The following HERC1 variants were observed in gnomAD, a reference collection of about 807,000 sequenced individuals.
The protein encoded by HERC1 is probable E3 ubiquitin-protein ligase HERC1.
In HERC1, 160 loss-of-function variants were observed where a neutral mutation model predicts 554.3. The ratio of observed to expected loss-of-function variants is 0.29; its 90% CI spans 0.25 to 0.33. The LOEUF (loss-of-function observed/expected upper bound fraction) is 0.33, where lower values mean the gene tolerates loss of function less well. Ranked by LOEUF, HERC1 falls within the 10% of genes least tolerant of loss-of-function variation. The probability of loss-of-function intolerance (pLI) is 1.00; values close to 1 mark genes in which losing one functional copy is unlikely to be tolerated. For synonymous variants in HERC1, 2,175 were observed against 2,131.7 expected (o/e 1.02, Z -0.56); for missense variants, 4,919 against 5,918.5 (o/e 0.83, Z 5.54).
chr15:63,672,512 G>T lies in HERC1; in HGVS notation c.8029C>A (p.Pro2677Thr). ...CTTCTCTACCTGAGAAGACTAAGAG[G>T]CATCACTCCCGGGGACTCGGATGCA... ...VPASESPGVM[P>T]LSLLRQMFSS... Residue 2677 changes from proline (P) to threonine (T), a missense_variant, in exon 39 of 78, where the codon CCT (proline) becomes ACT (threonine). By Grantham distance (38) the Pro-to-Thr change is conservative (BLOSUM62 -1). Coordinates refer to ENST00000443617, the MANE Select transcript of HERC1 (RefSeq NM_003922.4). 1 of 1,596,334 alleles carries T rather than the reference G, an allele frequency of 6.3e-7. No homozygotes were observed. The highest frequency in any genetic ancestry group is 8.5e-7 in the Non-Finnish European group (1 of 1,171,062).
chr15:63,633,298 C>T (rs914192276), intron 67 of HERC1, among the ~76,000 whole-genome samples: 1 of 152,208 alleles, frequency 6.6e-6, no homozygotes, highest in African/African-American at 2.4e-5. Flanking sequence ...CTTTGTAAAT[C>T]ACACTGCTTG....
intron 48 of HERC1, among the ~76,000 whole-genome samples, chr15:63,657,544 T>C (rs1454368972): frequency 6.6e-6 from 1 of 152,186 alleles, no homozygotes; most frequent in Non-Finnish European, 1.5e-5. Flanking sequence ...GTTAGATGCA[T>C]TACTAATATC....
intron 1 of HERC1, among the ~76,000 whole-genome samples, chr15:63,821,774 GT>G (rs1027052313): frequency 3.4e-5 from 5 of 149,000 alleles, no homozygotes; most frequent in African/African-American, 1.2e-4. Context: ...TTTAGAGACA[GT>G]TTTACTCCAC....
Position 63,731,350 on chromosome 15 carries a change from A to T in HERC1, c.2868+1574T>A, listed in dbSNP as rs562536257. Reference sequence around the variant, plus strand: ...AAAATCTTAGAACAAATTTGGTTTAAATCACATCAGAAAGAGACAATAATT... The same window carrying T: ...AAAATCTTAGAACAAATTTGGTTTATATCACATCAGAAAGAGACAATAATT... On this transcript the variant is annotated intron_variant, in intron 14 of 77. Coordinates refer to ENST00000443617, the MANE Select transcript of HERC1 (RefSeq NM_003922.4). Among the ~76,000 whole-genome samples, 3 of 152,332 alleles carry T rather than the reference A, an allele frequency of 2.0e-5. 1 individual carries two copies. The East Asian group carries it at 5.8e-4, about 29-fold the overall frequency.
chr15:63,683,567 T>C lies in HERC1; in HGVS notation c.6226-2791A>G, dbSNP rs1028081972. The stretch of plus-strand genomic sequence containing the variant: ...GAGTGGGTCAATCTGGACTCCAAGA[T>C]TGACAAGCAAACAGAGCTTAGAAAA... On this transcript the variant is annotated intron_variant, in intron 34 of 77. Transcript: ENST00000443617. 9.8e-5 allele frequency among the ~76,000 whole-genome samples: 15 copies of C among 152,336 alleles called. No homozygotes were observed. In the East Asian group the frequency reaches 1.7e-3, roughly 18 times the overall value.
intron 1 of HERC1, among the ~76,000 whole-genome samples, chr15:63,778,732 G>T (rs529495690): frequency 6.6e-6 from 1 of 152,232 alleles, no homozygotes; most frequent in African/African-American, 2.4e-5. Context: ...AAACGAACAT[G>T]AGAAAACTCA....
chr15:63,670,241 C>G (rs932037808), intron 39 of HERC1, among the ~76,000 whole-genome samples: 1 of 152,120 alleles, frequency 6.6e-6, no homozygotes, highest in African/African-American at 2.4e-5. Context: ...GCGGCACAGT[C>G]GGGGAAAGGT....
At chr15:63,780,875 G>C (rs1203845306) in intron 1 of HERC1, among the ~76,000 whole-genome samples, 1 of 152,168 alleles carries the variant, frequency 6.6e-6, no homozygotes, top group Non-Finnish European at 1.5e-5. Flanking sequence ...AAACATATAT[G>C]AAAGTAGTTA....
intron 33 of HERC1, among the ~76,000 whole-genome samples, chr15:63,688,114 T>C (rs750879036): frequency 2.4e-4 from 36 of 152,194 alleles, no homozygotes; most frequent in African/African-American, 3.1e-4. Context: ...TGGAAGCAGA[T>C]AGAACACTTA....
intron 19 of HERC1, among the ~76,000 whole-genome samples, chr15:63,720,747 T>C (rs1410307486): frequency 6.6e-6 from 1 of 152,172 alleles, no homozygotes; most frequent in Non-Finnish European, 1.5e-5. Context: ...TTCTGAGAAC[T>C]GCTATGACTA....
chr15:63,716,035 T>C (rs1432202128), intron 22 of HERC1, among the ~76,000 whole-genome samples: 3 of 152,180 alleles, frequency 2.0e-5, no homozygotes, highest in Non-Finnish European at 4.4e-5. Context: ...CTCATGAGTT[T>C]CATTTCATGA....
chr15:63,670,767 C>T (rs368022458), intron 39 of HERC1, among the ~76,000 whole-genome samples: 22 of 152,098 alleles, frequency 1.4e-4, no homozygotes, highest in African/African-American at 4.3e-4. Flanking sequence ...ATTAGAATGT[C>T]GTATCAGGCA....
intron 50 of HERC1, among the ~76,000 whole-genome samples, 174 bp from the exon 51 acceptor site, chr15:63,654,498 C>T (rs756642084): frequency 2.4e-4 from 37 of 152,146 alleles, no homozygotes; most frequent in Admixed American, 7.9e-4. Context: ...CTAAAATATG[C>T]ACACAAGAAA....
chr15:63,680,312 T>C lies in HERC1; in HGVS notation c.6466-152A>G, dbSNP rs1404230449. Among the ~76,000 whole-genome samples the C allele has an allele frequency of 6.6e-6, 1 of 152,252 alleles. No homozygotes were observed. The highest frequency in any genetic ancestry group is 2.4e-5 in the African/African-American group (1 of 41,466). On this transcript the variant is annotated intron_variant, in intron 35 of 77. Coordinates refer to ENST00000443617, the MANE Select transcript of HERC1 (RefSeq NM_003922.4). The surrounding 1 kb of genome is among the most constrained non-coding windows in gnomAD (Gnocchi z 5.8). The stretch of plus-strand genomic sequence containing the variant: ...TTAACCTTGCTAACCGAGAAAATTC[T>C]ACATATAATAAGTGATCATAATGTG...
At chr15:63,714,379 T>G (rs1459864240) in intron 22 of HERC1, among the ~76,000 whole-genome samples, 1 of 152,156 alleles carries the variant, frequency 6.6e-6, no homozygotes, top group African/African-American at 2.4e-5. Context: ...GGGGCAAGAT[T>G]GCCTCCAGAG....
chr15:63,746,953 G>A lies in HERC1; in HGVS notation c.2485C>T (p.Leu829=). The A allele has an allele frequency of 6.4e-7, 1 of 1,553,380 alleles. No homozygotes were observed. Among genetic ancestry groups the A allele is most frequent in the Non-Finnish European group, 8.7e-7 (1 of 1,147,946 alleles). ...AGPLRNLLFR[L]MDSTVPDEIQ... Reference sequence around the variant, plus strand: ...TCATCTGGGACAGTTGAGTCCATCAGTCTGAAGAGCAAATTTCGAAGTGGA... The same window carrying A: ...TCATCTGGGACAGTTGAGTCCATCAATCTGAAGAGCAAATTTCGAAGTGGA... Residue 829 remains leucine, a synonymous_variant, in exon 12 of 78, where the codon CTG becomes TTG. Transcript: ENST00000443617.
intron 2 of HERC1, among the ~76,000 whole-genome samples, chr15:63,774,110 A>ACAG (rs959409270): frequency 1.7e-4 from 26 of 152,120 alleles, no homozygotes; most frequent in Admixed American, 1.1e-3. Context: ...ATTAACTAAA[A>ACAG]CAGCAACTTT....
chr15:63,753,635 A>T (rs1211704300), intron 7 of HERC1, among the ~76,000 whole-genome samples: 1 of 152,182 alleles, frequency 6.6e-6, no homozygotes, highest in African/African-American at 2.4e-5. Flanking sequence ...GAAATTATTT[A>T]ATTAAATTTA....
chr15:63,768,635 C>A (rs1438313242), intron 2 of HERC1, among the ~76,000 whole-genome samples: 1 of 152,136 alleles, frequency 6.6e-6, no homozygotes, highest in Non-Finnish European at 1.5e-5. Context: ...ACTGATGTAC[C>A]TTTCTAGGAG....
Sources: gnomAD v4.1 joint callset for allele counts (sites outside exome capture counted in the v4.1 genomes callset) on GRCh38, gnomAD v4.1.1 for gene constraint, Gnocchi (gnomAD v3.1) non-coding constraint, MANE v1.5 for transcripts, NCBI Gene and HGNC (gene_info 2026-07-23, HGNC 2026-07-21) for gene names.